Variants in NAV3 observed in about 807,000 individuals in gnomAD.
The protein encoded by NAV3 is neuron navigator 3.
In NAV3, 87 loss-of-function variants were observed where a neutral mutation model predicts 244.7. That is an observed-to-expected ratio of 0.36 (90% CI 0.30 to 0.42). The LOEUF is 0.42. NAV3 is among the 20% of genes least tolerant of loss of function. The probability of loss-of-function intolerance (pLI) is 1.00; values close to 1 mark genes in which losing one functional copy is unlikely to be tolerated. For synonymous variants in NAV3, 1,126 were observed against 1,042.2 expected, an observed-to-expected ratio of 1.08 and a Z score of -1.55; for missense variants, 2,663 against 2,893.3, an observed-to-expected ratio of 0.92 and a Z score of 1.83.
At chr12:77,941,041 G>A (rs369658334) in intron 2 of NAV3, 40 bp from the exon 3 acceptor site, 43 of 1,307,166 alleles carry the variant, frequency 3.3e-5, no homozygotes, top group Middle Eastern at 1.9e-4. Flanking sequence ...TAAGCATGTC[G>A]TTCTTTTTTT....
Position 77,925,918 on chromosome 12 carries a change from C to T in NAV3, c.244-14401C>T, listed in dbSNP as rs965900736. On this transcript the variant is annotated intron_variant, in intron 1 of 39. Coordinates refer to ENST00000397909, the MANE Select transcript of NAV3 (RefSeq NM_001024383.2). ...CAGGTATTTATGAAAATAGGATGCCCTCTAGTGGGGATCAACAGAATCTTC... is the reference window on the plus strand; with the variant it reads ...CAGGTATTTATGAAAATAGGATGCCTTCTAGTGGGGATCAACAGAATCTTC... 5.3e-5 allele frequency among the ~76,000 whole-genome samples: 8 copies of T among 151,946 alleles called. No homozygotes were observed. The East Asian group carries it at 1.5e-3, about 29-fold the overall frequency.
intron 1 of NAV3, among the ~76,000 whole-genome samples, chr12:77,832,383 A>G (rs1873863486): frequency 6.6e-6 from 1 of 152,310 alleles, no homozygotes; most frequent in African/African-American, 2.4e-5. Flanking sequence ...CCAGTCACGC[A>G]TGCTAGAATG....
chr12:77,649,494 T>A (rs1485548418), intron 2 of NAV3, among the ~76,000 whole-genome samples: 1 of 152,164 alleles, frequency 6.6e-6, no homozygotes, highest in African/African-American at 2.4e-5. Context: ...TGTTTGCATC[T>A]AATTATACAG....
rs188136648 is a variant in NAV3 at position 78,023,757 on chromosome 12, A to G, written c.2023+1895A>G. Among the ~76,000 whole-genome samples, 45 of 152,340 alleles carry G rather than the reference A, an allele frequency of 3.0e-4. 1 individual carries two copies. The highest frequency in any genetic ancestry group is 1.2e-4 in the Non-Finnish European group (8 of 68,024). ...TGAGCAGGCCAGTGATAAGATGACT[A>G]TCACAGAGAAATTAGATTACATATC... On this transcript the variant is annotated intron_variant, in intron 9 of 39. Coordinates refer to ENST00000397909, the MANE Select transcript of NAV3 (RefSeq NM_001024383.2).
At position 78,168,855 on chromosome 12, in the gene NAV3, A is replaced by T; in HGVS notation, c.4970A>T (p.His1657Leu). Residue 1657 changes from histidine (H) to leucine (L), a missense_variant, in exon 24 of 40, where the codon CAT (histidine) becomes CTT (leucine). Coordinates refer to ENST00000397909, the MANE Select transcript of NAV3 (RefSeq NM_001024383.2). Reference protein sequence around the residue: ...AIQGALNGPDHPPKDLRIRRQ... With the variant: ...AIQGALNGPDLPPKDLRIRRQ... ...CAGGGAGCACTGAATGGTCCAGACCATCCTCCCAAAGGTATATTTAGAAAT... is the reference window on the plus strand; with the variant it reads ...CAGGGAGCACTGAATGGTCCAGACCTTCCTCCCAAAGGTATATTTAGAAAT... 6.3e-7 allele frequency: 1 copy of T among 1,599,878 alleles called. No individual in the cohort carries two copies. Among genetic ancestry groups the T allele is most frequent in the East Asian group, 2.2e-5 (1 of 44,630 alleles).
chr12:77,640,834 T>G (rs889574914), intron 2 of NAV3, among the ~76,000 whole-genome samples: 2 of 152,142 alleles, frequency 1.3e-5, no homozygotes, highest in African/African-American at 4.8e-5. Context: ...GGGCAGCTAC[T>G]CTTAAGACTC....
chr12:77,699,273 G>A (rs571211032), intron 2 of NAV3, among the ~76,000 whole-genome samples: 11 of 152,214 alleles, frequency 7.2e-5, no homozygotes, highest in Admixed American at 5.2e-4. Context: ...AGGAACAGAC[G>A]TTTGTGCGTT....
chr12:77,579,562 G>A (rs1465879558), intron 2 of NAV3, among the ~76,000 whole-genome samples: 1 of 152,188 alleles, frequency 6.6e-6, no homozygotes, highest in African/African-American at 2.4e-5. Flanking sequence ...ACCCAACCAT[G>A]AGGGTGGAGC....
At chr12:78,199,092 C>T in intron 36 of NAV3, 1 of 603,462 alleles carries the variant, frequency 1.7e-6, no homozygotes, top group South Asian at 1.5e-5. Flanking sequence ...TAGACTCCCA[C>T]TCACTTCTGA....
intron 39 of NAV3, among the ~76,000 whole-genome samples, chr12:78,208,561 A>C (rs961288000): frequency 3.9e-5 from 6 of 152,204 alleles, no homozygotes; most frequent in Non-Finnish European, 7.3e-5. Flanking sequence ...ATTTGAATGC[A>C]CAAAATAATA....
At chr12:78,103,664 C>T (rs555871025) in intron 12 of NAV3, among the ~76,000 whole-genome samples, 1 of 152,312 alleles carries the variant, frequency 6.6e-6, no homozygotes, top group African/African-American at 2.4e-5. Flanking sequence ...GGAGGCTTCA[C>T]AATCATGGCA....
chr12:78,005,784 T>C (rs1462791979), intron 7 of NAV3, among the ~76,000 whole-genome samples: 1 of 152,230 alleles, frequency 6.6e-6, no homozygotes, highest in Non-Finnish European at 1.5e-5. Context: ...TATGAGCCCT[T>C]CCCACTTCAA....
intron 2 of NAV3, among the ~76,000 whole-genome samples, chr12:77,706,871 A>T (rs1875833198): frequency 1.7e-4 from 1 of 5,764 alleles, no homozygotes; most frequent in Admixed American, 2.9e-3. Flanking sequence ...ACTCTGTTTC[A>T]AAAAAAAAAA....
At chr12:77,835,526 T>C (rs1043845131) in intron 1 of NAV3, among the ~76,000 whole-genome samples, 1 of 152,190 alleles carries the variant, frequency 6.6e-6, no homozygotes, top group Non-Finnish European at 1.5e-5. Context: ...ATCATTCCAG[T>C]CATCTAATCC....
intron 34 of NAV3, among the ~76,000 whole-genome samples, chr12:78,192,523 A>T (rs1462740642): frequency 6.6e-6 from 1 of 151,638 alleles, no homozygotes; most frequent in Non-Finnish European, 1.5e-5. Flanking sequence ...CTTCTGCCTC[A>T]GCCTCCTGAG....
intron 2 of NAV3, among the ~76,000 whole-genome samples, chr12:77,716,149 A>T (rs1019262628): frequency 6.6e-6 from 1 of 151,880 alleles, no homozygotes; most frequent in Non-Finnish European, 1.5e-5. Flanking sequence ...TATCTATGTA[A>T]ATCTTAAGGT....
chr12:77,582,246 T>C (rs1034033287), intron 2 of NAV3, among the ~76,000 whole-genome samples: 2 of 152,254 alleles, frequency 1.3e-5, no homozygotes, highest in Admixed American at 6.5e-5. Context: ...GAAGTATGTT[T>C]AAAGGACATT....
intron 12 of NAV3, among the ~76,000 whole-genome samples, chr12:78,065,782 A>C (rs2137530250): frequency 6.6e-6 from 1 of 152,234 alleles, no homozygotes; most frequent in Non-Finnish European, 1.5e-5. Flanking sequence ...GAAAGATCAG[A>C]TAGAAGTCAA....
intron 8 of NAV3, among the ~76,000 whole-genome samples, chr12:78,016,591 A>G (rs1876254307): frequency 6.6e-6 from 1 of 152,172 alleles, no homozygotes; most frequent in Non-Finnish European, 1.5e-5. Context: ...AAAATAGGAA[A>G]GCAAGCACAT....
Sources: allele counts gnomAD v4.1 joint callset (sites outside exome capture counted in the v4.1 genomes callset), GRCh38; gene constraint gnomAD v4.1.1; transcripts MANE v1.5; gene names NCBI Gene and HGNC (gene_info 2026-07-23, HGNC 2026-07-21).